TEKT4: variants seen among roughly 807,000 people sequenced by gnomAD.
TEKT4 encodes tektin-4.
Under a neutral mutation model 46.0 loss-of-function variants are expected in TEKT4, and 46 were observed. That is an observed-to-expected ratio of 1.00 (90% CI 0.79 to 1.28). The LOEUF (loss-of-function observed/expected upper bound fraction) is 1.28. Ranked by LOEUF, TEKT4 falls within the 50% of genes most tolerant of loss-of-function variation. The pLI, the probability that TEKT4 is intolerant of heterozygous loss-of-function variation, is 0.00. For missense variants in TEKT4, 790 were observed against 622.9 expected, an observed-to-expected ratio of 1.27 and a Z score of -2.85; for synonymous variants, 325 against 265.8, an observed-to-expected ratio of 1.22 and a Z score of -2.17.
Position 94,875,745 on chromosome 2 carries a change from G to A in TEKT4, c.1091+3G>A, listed in dbSNP as rs112625714. The A allele has an allele frequency of 1.9e-6, 3 of 1,613,048 alleles. No homozygotes were observed. Among genetic ancestry groups the A allele is most frequent in the Admixed American group, 1.7e-5 (1 of 59,958 alleles). ...TGCCGTGACGCAGCCCAGTTCAGGT[G>A]CTGCCTGGGCCTCTGAGGCAGTCCC... On this transcript the variant is annotated splice_donor_region_variant and intron_variant, in intron 5 of 5. Transcript: ENST00000295201.
rs200478314 is a variant in TEKT4 at position 94,871,718 on chromosome 2, A to G, written c.139A>G (p.Asn47Asp). ...GTACCTGCTGGAGGAGTGGTTCCAGAACTGCTATGCTCGCTACCACCAGGC... is the reference window on the plus strand; with the variant it reads ...GTACCTGCTGGAGGAGTGGTTCCAGGACTGCTATGCTCGCTACCACCAGGC... ...SKYLLEEWFQ[N>D]CYARYHQAFA... is the part of the protein sequence containing the mutation. Residue 47 changes from asparagine (N) to aspartate (D), a missense_variant, in exon 1 of 6, where the codon AAC (asparagine) becomes GAC (aspartate). By Grantham distance (23) the Asn-to-Asp change is conservative. Transcript: ENST00000295201. 28 of 1,612,472 alleles carry G rather than the reference A, an allele frequency of 1.7e-5. No homozygotes were observed. The African/African-American group carries it at 3.5e-4, about 20-fold the overall frequency.
At chr2:94,874,228 T>G (rs1680719679) in intron 3 of TEKT4, 120 bp downstream of exon 3, 1 of 1,101,856 alleles carries the variant, frequency 9.1e-7, no homozygotes, top group African/African-American at 1.6e-5. Flanking sequence ...CCGAGGGCAC[T>G]TGGGCAACTG....
Position 94,874,038 on chromosome 2 carries a change from A to G in TEKT4, c.643A>G (p.Thr215Ala). Residue 215 changes from threonine (T) to alanine (A), a missense_variant, in exon 3 of 6, where the codon ACC becomes GCC. By Grantham distance (58) the Thr-to-Ala change is moderately conservative. Transcript: ENST00000295201. ...GATGGAGGCCTACAACATCGACGAGACCTGCGGGCGCCACCACAGCCAGAG... is the reference window on the plus strand; with the variant it reads ...GATGGAGGCCTACAACATCGACGAGGCCTGCGGGCGCCACCACAGCCAGAG... ...DKMEAYNIDE[T>A]CGRHHSQSTE... 6.2e-7 allele frequency: 1 copy of G among 1,613,760 alleles called. No homozygotes were observed. Among genetic ancestry groups the G allele is most frequent in the Non-Finnish European group, 8.5e-7 (1 of 1,179,976 alleles).
chr2:94,872,487 C>T (rs757771920), intron 1 of TEKT4: 5 of 330,130 alleles, frequency 1.5e-5, no homozygotes, highest in Non-Finnish European at 5.8e-6. Flanking sequence ...CCCATTCATC[C>T]TATACAGAGC....
Position 94,872,069 on chromosome 2 carries a change from C to G in TEKT4, c.490C>G (p.Leu164Val). The change falls in exon 1 of 6, where the codon CTG (leucine) becomes GTG (valine). Residue 164 changes from leucine to valine, a missense_variant. By Grantham distance (32) the Leu-to-Val change is conservative. Coordinates refer to ENST00000295201, the MANE Select transcript of TEKT4 (RefSeq NM_144705.4). ...CGTGCGCGACCATGTGGAAACGGAG[C>G]TGCTGAAGGTGCCAGCACCCTTGGG... The part of the protein sequence containing the change: ...NLVRDHVETE[L>V]LKEAELIRNI... 6.5e-7 allele frequency: 1 copy of G among 1,542,736 alleles called. No homozygotes were observed. Among genetic ancestry groups the G allele is most frequent in the East Asian group, 2.4e-5 (1 of 40,866 alleles).
rs545182832 is a variant in TEKT4 at position 94,874,035 on chromosome 2, G to A, written c.640G>A (p.Glu214Lys). Residue 214 changes from glutamate (E) to lysine (K), a missense_variant, in exon 3 of 6, where the codon GAG (glutamate) becomes AAG (lysine). By Grantham distance (56) the Glu-to-Lys change is moderately conservative (BLOSUM62 1). Transcript: ENST00000295201. ...SDKMEAYNID[E>K]TCGRHHSQST... ...CAAGATGGAGGCCTACAACATCGAC[G>A]AGACCTGCGGGCGCCACCACAGCCA... 13 of 1,613,778 alleles carry A rather than the reference G, an allele frequency of 8.1e-6. No homozygotes were observed. The East Asian group carries it at 1.1e-4, about 14-fold the overall frequency.
At chr2:94,873,925 C>T in intron 2 of TEKT4, 40 bp from the exon 3 acceptor site, 1 of 1,611,244 alleles carries the variant, frequency 6.2e-7, no homozygotes, top group African/African-American at 1.3e-5. Context: ...GCAGGGCCCT[C>T]CCTGGGCACA....
chr2:94,872,017 C>T lies in TEKT4; in HGVS notation c.438C>T (p.Cys146=). 1 of 1,579,028 alleles carries T rather than the reference C, an allele frequency of 6.3e-7. No individual in the cohort carries two copies. The highest frequency in any genetic ancestry group is 1.8e-5 in the Admixed American group (1 of 55,502). ...PFSITTDNLQ[C]RERREHPNLV... is the part of the protein sequence containing the mutation. The stretch of plus-strand genomic sequence containing the variant: ...CCATCACCACTGACAACCTGCAGTG[C>T]CGTGAGCGCCGCGAGCACCCCAACC... Residue 146 remains cysteine, a synonymous_variant, in exon 1 of 6, where the codon TGC becomes TGT. Coordinates refer to ENST00000295201, the MANE Select transcript of TEKT4 (RefSeq NM_144705.4).
At position 94,871,851 on chromosome 2, in the gene TEKT4, T is replaced by C. The variant is rs1165699175; in HGVS notation, c.272T>C (p.Val91Ala). 1.2e-6 allele frequency: 2 copies of C among 1,604,212 alleles called. No homozygotes were observed. Among genetic ancestry groups the C allele is most frequent in the Non-Finnish European group, 1.7e-6 (2 of 1,177,098 alleles). ...QRTQQDSTRT[V>A]GERLQDTHSW... ...ACGCAGCAAGACTCCACGCGCACAG[T>C]GGGCGAGCGACTGCAGGACACGCAC... The change falls in exon 1 of 6, where the codon GTG becomes GCG. Residue 91 changes from valine to alanine, a missense_variant. Transcript: ENST00000295201.
At position 94,871,750 on chromosome 2, in the gene TEKT4, C is replaced by A. The variant is rs371155806; in HGVS notation, c.171C>A (p.Ala57=). The A allele has an allele frequency of 6.2e-7, 1 of 1,612,616 alleles. No homozygotes were observed. Among genetic ancestry groups the A allele is most frequent in the South Asian group, 1.1e-5 (1 of 91,074 alleles). ...ATGCTCGCTACCACCAGGCCTTCGC[C>A]GACCGCGACCAGTCGGAGCGGCAGC... ...NCYARYHQAF[A]DRDQSERQRH... The change falls in exon 1 of 6, where the codon GCC becomes GCA. Residue 57 remains alanine, a synonymous_variant. Transcript: ENST00000295201.
At chr2:94,875,135 G>A (rs1381166342) in intron 4 of TEKT4, 137 bp downstream of exon 4, 4 of 930,628 alleles carry the variant, frequency 4.3e-6, no homozygotes, top group Non-Finnish European at 6.3e-6. Context: ...TGTAAAACCA[G>A]GTGACACTGG....
At position 94,871,780 on chromosome 2, in the gene TEKT4, C is replaced by G. The variant is rs199545713; in HGVS notation, c.201C>G (p.His67Gln). 1 of 1,612,090 alleles carries G rather than the reference C, an allele frequency of 6.2e-7. No homozygotes were observed. Among genetic ancestry groups the G allele is most frequent in the Middle Eastern group, 1.7e-4 (1 of 5,956 alleles). Reference sequence around the variant, plus strand: ...GCGACCAGTCGGAGCGGCAGCGGCACGAGAGCCAGCAGCTGGCCACAGAGA... The same window carrying G: ...GCGACCAGTCGGAGCGGCAGCGGCAGGAGAGCCAGCAGCTGGCCACAGAGA... ...ADRDQSERQR[H>Q]ESQQLATETQ... Residue 67 changes from histidine to glutamine, a missense_variant, in exon 1 of 6, where the codon CAC becomes CAG. By Grantham distance (24) the His-to-Gln change is conservative (BLOSUM62 0). Coordinates refer to ENST00000295201, the MANE Select transcript of TEKT4 (RefSeq NM_144705.4).
At position 94,876,590 on chromosome 2, in the gene TEKT4, A is replaced by T; in HGVS notation, c.1129A>T (p.Thr377Ser). 6.2e-7 allele frequency: 1 copy of T among 1,611,644 alleles called. No homozygotes were observed. Among genetic ancestry groups the T allele is most frequent in the South Asian group, 1.1e-5 (1 of 90,722 alleles). Residue 377 changes from threonine (T) to serine (S), a missense_variant, in exon 6 of 6, where the codon ACA (threonine) becomes TCA (serine). By Grantham distance (58) the Thr-to-Ser change is moderately conservative. Coordinates refer to ENST00000295201, the MANE Select transcript of TEKT4 (RefSeq NM_144705.4). The part of the protein sequence containing the change: ...SEVEELNMSL[T>S]ALREKLLEAE... ...GGTGGAGGAGCTGAACATGTCCCTC[A>T]CAGCACTGCGAGAGAAGCTTCTAGA... is the stretch of plus-strand genomic sequence containing the variant.
chr2:94,873,649 C>A (rs1680683327), intron 2 of TEKT4, 59 bp downstream of exon 2: 1 of 1,601,150 alleles, frequency 6.2e-7, no homozygotes, highest in Admixed American at 1.7e-5. Flanking sequence ...GGTCCTGGGG[C>A]AAGGCATTGA....
chr2:94,871,763 T>A lies in TEKT4; in HGVS notation c.184T>A (p.Ser62Thr), dbSNP rs1680571838. The A allele has an allele frequency of 6.2e-7, 1 of 1,612,346 alleles. No individual in the cohort carries two copies. The highest frequency in any genetic ancestry group is 8.5e-7 in the Non-Finnish European group (1 of 1,179,792). Residue 62 changes from serine (S) to threonine (T), a missense_variant, in exon 1 of 6, where the codon TCG (serine) becomes ACG (threonine). Physicochemically the swap from Ser to Thr is moderately conservative, Grantham distance 58 (BLOSUM62 1). Coordinates refer to ENST00000295201, the MANE Select transcript of TEKT4 (RefSeq NM_144705.4). ...YHQAFADRDQSERQRHESQQL... is the reference protein window; with the variant it reads ...YHQAFADRDQTERQRHESQQL... ...CCAGGCCTTCGCCGACCGCGACCAG[T>A]CGGAGCGGCAGCGGCACGAGAGCCA...
Position 94,871,522 on chromosome 2 carries a change from G to A in TEKT4, c.-58G>A, listed in dbSNP as rs1317584971. 15 of 1,498,074 alleles carry A rather than the reference G, an allele frequency of 1.0e-5. No individual in the cohort carries two copies. Among genetic ancestry groups the A allele is most frequent in the South Asian group, 5.4e-5 (4 of 74,236 alleles). The allele number at this position is 1,498,074 out of a possible 1,614,324, so 92.8% of individuals were successfully genotyped here. ...CCCCGCTGACCGCACTAGGCTGACC[G>A]CAACCGGCTGACCACACACAGTCCT... On this transcript the variant is annotated 5_prime_UTR_variant, in exon 1 of 6. Transcript: ENST00000295201.
rs1553396340 is a variant in TEKT4 at position 94,875,755 on chromosome 2, C to T, written c.1091+13C>T. On this transcript the variant is annotated intron_variant, in intron 5 of 5. Coordinates refer to ENST00000295201, the MANE Select transcript of TEKT4 (RefSeq NM_144705.4). The stretch of plus-strand genomic sequence containing the variant: ...CAGCCCAGTTCAGGTGCTGCCTGGG[C>T]CTCTGAGGCAGTCCCAGGTGGCCCT... The T allele has an allele frequency of 6.2e-7, 1 of 1,611,498 alleles. No individual in the cohort carries two copies. The highest frequency in any genetic ancestry group is 8.5e-7 in the Non-Finnish European group (1 of 1,178,394).
chr2:94,871,988 T>C lies in TEKT4; in HGVS notation c.409T>C (p.Phe137Leu), dbSNP rs1553394734. ...CGCCCTGGACGCCACAGAGGTGCCC[T>C]TCTCCATCACCACTGACAACCTGCA... Reference protein sequence around the residue: ...ERALDATEVPFSITTDNLQCR... With the variant: ...ERALDATEVPLSITTDNLQCR... The change falls in exon 1 of 6, where the codon TTC becomes CTC. Residue 137 changes from phenylalanine (F) to leucine (L), a missense_variant. By Grantham distance (22) the Phe-to-Leu change is conservative. Transcript: ENST00000295201. The C allele has an allele frequency of 6.3e-7, 1 of 1,599,826 alleles. No homozygotes were observed. The highest frequency in any genetic ancestry group is 1.3e-5 in the African/African-American group (1 of 74,806).
Position 94,871,990 on chromosome 2 carries a change from C to T in TEKT4, c.411C>T (p.Phe137=), listed in dbSNP as rs1553394738. ...ERALDATEVP[F]SITTDNLQCR... is the part of the protein sequence containing the mutation. ...CCCTGGACGCCACAGAGGTGCCCTT[C>T]TCCATCACCACTGACAACCTGCAGT... Residue 137 remains phenylalanine, a synonymous_variant, in exon 1 of 6, where the codon TTC becomes TTT. Transcript: ENST00000295201. The T allele has an allele frequency of 6.3e-7, 1 of 1,599,800 alleles. No homozygotes were observed. Among genetic ancestry groups the T allele is most frequent in the Non-Finnish European group, 8.5e-7 (1 of 1,174,896 alleles).
Sources: gnomAD v4.1 joint callset for allele counts on GRCh38, gnomAD v4.1.1 for gene constraint, MANE v1.5 for transcripts, NCBI Gene and HGNC (gene_info 2026-07-23, HGNC 2026-07-21) for gene names.